Variants in LRRN1 observed in about 807,000 individuals in gnomAD.
The protein encoded by LRRN1 is leucine-rich repeat neuronal protein 1.
In LRRN1, 14 loss-of-function variants were observed where a neutral mutation model predicts 45.8. The ratio of observed to expected loss-of-function variants is 0.31; its 90% CI spans 0.20 to 0.48. The LOEUF is 0.48. Among genes scored for constraint, LRRN1 ranks in the 20% least tolerant of loss-of-function variants. The pLI is 0.99. For synonymous variants in LRRN1, 359 were observed against 330.1 expected, an observed-to-expected ratio of 1.09 and a Z score of -0.95; for missense variants, 789 against 874.2, an observed-to-expected ratio of 0.90 and a Z score of 1.23.
intron 1 of LRRN1, among the ~76,000 whole-genome samples, chr3:3,828,722 T>G (rs1693286557): frequency 6.6e-6 from 1 of 152,158 alleles, no homozygotes; most frequent in African/African-American, 2.4e-5. Flanking sequence ...TTAACAATAC[T>G]TAAATGCTGA....
intron 1 of LRRN1, among the ~76,000 whole-genome samples, chr3:3,801,976 A>G (rs1692662080): frequency 6.6e-6 from 1 of 152,202 alleles, no homozygotes; most frequent in African/African-American, 2.4e-5. Context: ...TCATTATAGT[A>G]GAAGATCGTT....
intron 1 of LRRN1, chr3:3,827,537 G>A (rs914541065): frequency 2.6e-5 from 12 of 455,322 alleles, no homozygotes; most frequent in Non-Finnish European, 4.9e-5. Flanking sequence ...AATCTTGGTT[G>A]AACAAAAATC....
At chr3:3,827,744 G>A (rs374222501) in intron 1 of LRRN1, among the ~76,000 whole-genome samples, 7 of 152,072 alleles carry the variant, frequency 4.6e-5, no homozygotes, top group Admixed American at 1.3e-4. Context: ...TTCTTCATTT[G>A]GGGATCAAAA....
chr3:3,829,787 C>G (rs1316964602), intron 1 of LRRN1, among the ~76,000 whole-genome samples: 1 of 152,162 alleles, frequency 6.6e-6, no homozygotes, highest in East Asian at 1.9e-4. Flanking sequence ...CGTGAGTCCA[C>G]AGATGTTAGT....
At chr3:3,805,628 G>T in intron 1 of LRRN1, among the ~76,000 whole-genome samples, 1 of 152,168 alleles carries the variant, frequency 6.6e-6, no homozygotes, top group East Asian at 1.9e-4. Flanking sequence ...GAGAGCTAAT[G>T]GTCTGGGTAC....
At chr3:3,813,572 T>G (rs1559285939) in intron 1 of LRRN1, among the ~76,000 whole-genome samples, 1 of 152,142 alleles carries the variant, frequency 6.6e-6, no homozygotes, top group Non-Finnish European at 1.5e-5. Flanking sequence ...TCTGTGTCCC[T>G]TGAGATCTTA....
intron 1 of LRRN1, among the ~76,000 whole-genome samples, chr3:3,801,801 G>C (rs1355115898): frequency 6.6e-6 from 1 of 152,170 alleles, no homozygotes; most frequent in Non-Finnish European, 1.5e-5. Flanking sequence ...CAATATTCAA[G>C]CTGGATATTC....
intron 1 of LRRN1, among the ~76,000 whole-genome samples, chr3:3,843,625 G>C (rs959689308): frequency 1.3e-5 from 2 of 151,626 alleles, no homozygotes; most frequent in African/African-American, 4.8e-5. Flanking sequence ...TGTCCCTGCA[G>C]GTTGTCCTAT....
At chr3:3,805,124 G>A (rs1437972857) in intron 1 of LRRN1, among the ~76,000 whole-genome samples, 1 of 152,134 alleles carries the variant, frequency 6.6e-6, no homozygotes, top group East Asian at 1.9e-4. Flanking sequence ...CAATTTGCAG[G>A]GGGACAGTGG....
chr3:3,834,549 TATATG>T (rs1159454073), intron 1 of LRRN1, among the ~76,000 whole-genome samples: 9 of 122,182 alleles, frequency 7.4e-5, no homozygotes, highest in African/African-American at 2.3e-4. Flanking sequence ...TATATATATA[TATATG>T]ATATATATAT....
intron 1 of LRRN1, among the ~76,000 whole-genome samples, chr3:3,826,496 G>A (rs77701225): frequency 0.012 from 1,838 of 152,222 alleles, 35 homozygotes; most frequent in African/African-American, 0.04. Flanking sequence ...ATGTGTGGCC[G>A]CCCTGCTTGG....
intron 1 of LRRN1, among the ~76,000 whole-genome samples, chr3:3,810,764 G>T (rs1692855313): frequency 6.6e-6 from 1 of 152,194 alleles, no homozygotes; most frequent in African/African-American, 2.4e-5. Flanking sequence ...AGCCAAATCA[G>T]GTGTGATCCT....
At chr3:3,807,767 G>A (rs1453908176) in intron 1 of LRRN1, among the ~76,000 whole-genome samples, 1 of 152,140 alleles carries the variant, frequency 6.6e-6, no homozygotes, top group East Asian at 1.9e-4. Context: ...CAGACCATCA[G>A]AGAACCATAA....
intron 1 of LRRN1, among the ~76,000 whole-genome samples, chr3:3,823,839 CAAG>C (rs1693160003): frequency 6.6e-6 from 1 of 152,110 alleles, no homozygotes; most frequent in Non-Finnish European, 1.5e-5. Context: ...TGCTCCCAAT[CAAG>C]AAGTGCTGCT....
In LRRN1 at chr3:3,846,552, G is replaced by A; in HGVS notation, c.1911G>A (p.Gly637=). ...ETSTALAAVM[G]SMFAVISLAS... is the part of the protein sequence containing the mutation. ...GTACAGCCCTTGCTGCAGTAATGGG[G>A]TCTATGTTTGCCGTCATTAGCCTTG... Residue 637 remains glycine, a synonymous_variant, in exon 2 of 2, where the codon GGG becomes GGA. Coordinates refer to ENST00000319331, the MANE Select transcript of LRRN1 (RefSeq NM_020873.7). This position sits in a 1 kb window ranked among gnomAD's most constrained non-coding sequence, Gnocchi z 5.7. 1 of 1,614,118 alleles carries A rather than the reference G, an allele frequency of 6.2e-7. No individual in the cohort carries two copies.
intron 1 of LRRN1, among the ~76,000 whole-genome samples, chr3:3,843,503 CAATCTTTAGAATATTTTCATCATCTCA>C (rs1346458980): frequency 1.6e-5 from 2 of 128,762 alleles, no homozygotes; most frequent in Middle Eastern, 3.6e-3. Context: ...ACCATCACCA[CAATCTTTAGAATATTTTCATCATCTCA>C]AAAAGATACT....
At chr3:3,821,157 A>G (rs1269127446) in intron 1 of LRRN1, among the ~76,000 whole-genome samples, 2 of 152,208 alleles carry the variant, frequency 1.3e-5, no homozygotes, top group African/African-American at 4.8e-5. Flanking sequence ...ATTCATGAAC[A>G]ACTAAGTTTG....
chr3:3,817,582 T>A (rs1031932511), intron 1 of LRRN1, among the ~76,000 whole-genome samples: 6 of 152,222 alleles, frequency 3.9e-5, no homozygotes, highest in Non-Finnish European at 8.8e-5. Flanking sequence ...TAGTCTAAAG[T>A]TTAAACAGCA....
In LRRN1 at chr3:3,846,459, A is replaced by G; in HGVS notation, c.1818A>G (p.Gln606=). The change falls in exon 2 of 2, where the codon CAA becomes CAG. Residue 606 remains glutamine, a synonymous_variant. Transcript: ENST00000319331. The surrounding 1 kb of genome is among the most constrained non-coding windows in gnomAD (Gnocchi z 5.7). The part of the protein sequence containing the change: ...LTVSNIHQQT[Q]KSCVNVTTKN... ...TGTCCAATATTCATCAGCAGACTCA[A>G]AAGTCATGCGTAAATGTCACAACCA... 1.9e-6 allele frequency: 3 copies of G among 1,614,188 alleles called. No homozygotes were observed. Among genetic ancestry groups the G allele is most frequent in the South Asian group, 1.1e-5 (1 of 91,080 alleles).
Sources: gnomAD v4.1 joint callset for allele counts (sites outside exome capture counted in the v4.1 genomes callset) on GRCh38, gnomAD v4.1.1 for gene constraint, Gnocchi (gnomAD v3.1) non-coding constraint, MANE v1.5 for transcripts, NCBI Gene and HGNC (gene_info 2026-07-23, HGNC 2026-07-21) for gene names.